Variants in CCDC60 observed in about 807,000 individuals in gnomAD.
CCDC60 encodes the protein coiled-coil domain containing 60, also known as coiled-coil domain-containing protein 60.
A neutral mutation model predicts 63.5 loss-of-function variants in CCDC60; 54 were observed. That is an observed-to-expected ratio of 0.85 (90% CI 0.68 to 1.07). The LOEUF is 1.07. Ranked by LOEUF, CCDC60 falls within the 50% of genes least tolerant of loss-of-function variation. The pLI is 0.00. For missense variants in CCDC60, 651 were observed against 684.3 expected (o/e 0.95, Z 0.54); for synonymous variants, 206 against 238.8 (o/e 0.86, Z 1.27).
At chr12:119,496,254 C>T (rs1323440568) in intron 5 of CCDC60, among the ~76,000 whole-genome samples, 1 of 152,164 alleles carries the variant, frequency 6.6e-6, no homozygotes, top group Admixed American at 6.5e-5. Flanking sequence ...AGATGTTTTA[C>T]CCCAGATGGG....
At chr12:119,349,562 C>T (rs1386927921) in intron 1 of CCDC60, among the ~76,000 whole-genome samples, 33 of 151,886 alleles carry the variant, frequency 2.2e-4, no homozygotes, top group Non-Finnish European at 2.9e-5. Flanking sequence ...TGGTCTCAAA[C>T]TCCTGACCTC....
intron 1 of CCDC60, among the ~76,000 whole-genome samples, chr12:119,418,184 T>C (rs1956738522): frequency 6.6e-6 from 1 of 152,052 alleles, no homozygotes. Flanking sequence ...TGTATGTATG[T>C]ACTATATATA....
At chr12:119,377,637 T>C (rs1955966564) in intron 1 of CCDC60, among the ~76,000 whole-genome samples, 1 of 152,234 alleles carries the variant, frequency 6.6e-6, no homozygotes, top group African/African-American at 2.4e-5. Context: ...AACTATTTAG[T>C]GTGAGTCCTT....
chr12:119,403,652 G>A (rs920980817), intron 1 of CCDC60, among the ~76,000 whole-genome samples: 1 of 151,756 alleles, frequency 6.6e-6, no homozygotes, highest in African/African-American at 2.4e-5. Context: ...CTGCTGTCAC[G>A]ATCATGACTG....
chr12:119,425,043 A>C (rs1461648249), intron 1 of CCDC60, among the ~76,000 whole-genome samples: 2 of 152,178 alleles, frequency 1.3e-5, no homozygotes, highest in Non-Finnish European at 2.9e-5. Flanking sequence ...AATGTTGGAC[A>C]TTATCATAGT....
chr12:119,346,961 G>C (rs959540483), intron 1 of CCDC60, among the ~76,000 whole-genome samples: 5 of 151,522 alleles, frequency 3.3e-5, no homozygotes, highest in Non-Finnish European at 7.4e-5. Context: ...AGTAGCTGGG[G>C]TTACAGGCGT....
chr12:119,431,638 T>C (rs1950229499), intron 2 of CCDC60, among the ~76,000 whole-genome samples: 1 of 152,098 alleles, frequency 6.6e-6, no homozygotes, highest in African/African-American at 2.4e-5. Context: ...AGGGCTGTTA[T>C]CGTCATTGTT....
intron 1 of CCDC60, among the ~76,000 whole-genome samples, chr12:119,368,294 A>G (rs1191271272): frequency 6.6e-6 from 1 of 152,142 alleles, no homozygotes; most frequent in Non-Finnish European, 1.5e-5. Context: ...CCTGGGTTCA[A>G]GCCATAGAGC....
chr12:119,507,615 T>TATATATA (rs1555253687), intron 7 of CCDC60, among the ~76,000 whole-genome samples: 1 of 19,158 alleles, frequency 5.2e-5, no homozygotes, highest in Non-Finnish European at 1.0e-4. Flanking sequence ...TATATATATA[T>TATATATA]TTTTTTTTTT....
In CCDC60 at chr12:119,456,496, C is replaced by T. The variant is rs1287909105; in HGVS notation, c.171-15498C>T. ...CTGCACTACAGTCCCTTCATGGTCA[C>T]TAGAAAGATGTTACATGAAAGGGGT... On this transcript the variant is annotated intron_variant, in intron 2 of 13. Coordinates refer to ENST00000327554, the MANE Select transcript of CCDC60 (RefSeq NM_178499.5). This position sits in a 1 kb window ranked among gnomAD's most constrained non-coding sequence, Gnocchi z 4.6. Among the ~76,000 whole-genome samples the T allele has an allele frequency of 6.6e-6, 1 of 152,080 alleles. No homozygotes were observed. The highest frequency in any genetic ancestry group is 1.5e-5 in the Non-Finnish European group (1 of 68,014).
chr12:119,538,975 C>T (rs1090248), intron 13 of CCDC60, among the ~76,000 whole-genome samples: 21,581 of 152,206 alleles, frequency 0.14, 1,741 homozygotes, highest in Non-Finnish European at 0.18. Flanking sequence ...CTGGAGTTTG[C>T]TGGAGGTCCA....
chr12:119,503,650 A>G (rs1241181267), intron 6 of CCDC60, among the ~76,000 whole-genome samples: 1 of 152,060 alleles, frequency 6.6e-6, no homozygotes, highest in Non-Finnish European at 1.5e-5. Context: ...CTCTTCCCCA[A>G]CCTTCTCCCT....
chr12:119,463,572 G>A (rs531377349), intron 2 of CCDC60, among the ~76,000 whole-genome samples: 2 of 152,366 alleles, frequency 1.3e-5, no homozygotes, highest in East Asian at 3.9e-4. Flanking sequence ...ACGTGCCCAA[G>A]AATGGAAAGA....
rs1195550696 is a variant in CCDC60, at chr12:119,472,775, G to C, written c.341+611G>C. ...TTTTTGTATTTTTAATAGAGACGGG[G>C]TTTCACTGTGTTGGCCAGGCTGGTC... On this transcript the variant is annotated intron_variant, in intron 3 of 13. Coordinates refer to ENST00000327554, the MANE Select transcript of CCDC60 (RefSeq NM_178499.5). 2.6e-5 allele frequency among the ~76,000 whole-genome samples: 4 copies of C among 151,936 alleles called. No homozygotes were observed. The South Asian group carries it at 8.3e-4, about 32-fold the overall frequency.
chr12:119,420,001 C>T lies in CCDC60; in HGVS notation c.91-8682C>T, dbSNP rs1000086607. On this transcript the variant is annotated intron_variant, in intron 1 of 13. Transcript: ENST00000327554. This position sits in a 1 kb window ranked among gnomAD's most constrained non-coding sequence, Gnocchi z 4.1. Reference sequence around the variant, plus strand: ...ACGCCATTCTCCTGCCTCAGCCTCCCGAGTAGCTGGGACTACAGGCACCCA... The same window carrying T: ...ACGCCATTCTCCTGCCTCAGCCTCCTGAGTAGCTGGGACTACAGGCACCCA... 4.6e-5 allele frequency among the ~76,000 whole-genome samples: 7 copies of T among 151,414 alleles called. No homozygotes were observed. The South Asian group carries it at 1.0e-3, about 23-fold the overall frequency.
At chr12:119,518,960 C>G (rs1952423887) in intron 8 of CCDC60, among the ~76,000 whole-genome samples, 1 of 152,132 alleles carries the variant, frequency 6.6e-6, no homozygotes, top group Non-Finnish European at 1.5e-5. Context: ...GGTTACAGAG[C>G]AAGAATGTGT....
chr12:119,452,232 A>C (rs1452954713), intron 2 of CCDC60, among the ~76,000 whole-genome samples: 2 of 152,346 alleles, frequency 1.3e-5, no homozygotes, highest in Middle Eastern at 6.8e-3. Context: ...CCTGACAATT[A>C]GCAATAATGT....
intron 1 of CCDC60, among the ~76,000 whole-genome samples, chr12:119,416,199 T>C (rs929902082): frequency 6.6e-6 from 1 of 152,092 alleles, no homozygotes; most frequent in Admixed American, 6.5e-5. Flanking sequence ...CTGACCAACA[T>C]GGAGAAACCC....
intron 11 of CCDC60, among the ~76,000 whole-genome samples, chr12:119,528,164 C>T (rs904104371): frequency 2.0e-5 from 3 of 151,900 alleles, no homozygotes; most frequent in Non-Finnish European, 4.4e-5. Context: ...AATATAAAGT[C>T]TCATTGGAGA....
Sources: allele counts gnomAD v4.1 joint callset (sites outside exome capture counted in the v4.1 genomes callset), GRCh38; gene constraint gnomAD v4.1.1; non-coding constraint Gnocchi (gnomAD v3.1); transcripts MANE v1.5; gene names NCBI Gene and HGNC (gene_info 2026-07-23, HGNC 2026-07-21).